KANK1: variants seen among roughly 807,000 people sequenced by gnomAD.
KANK1 encodes the protein KN motif and ankyrin repeat domain-containing protein 1.
A neutral mutation model predicts 106.2 loss-of-function variants in KANK1; 109 were observed. The observed-to-expected ratio is 1.03, with a 90% confidence interval of 0.88 to 1.20. KANK1 has a LOEUF of 1.20. Among genes scored for constraint, KANK1 ranks in the 50% most tolerant of loss-of-function variants. KANK1 has a pLI of 0.00. For missense variants in KANK1, 2,399 were observed against 1,710.7 expected (o/e 1.40, Z -7.10); for synonymous variants, 873 against 652.2 (o/e 1.34, Z -5.16).
chr9:743,920 T>G (rs998176006), intron 10 of KANK1, among the ~76,000 whole-genome samples: 1 of 152,214 alleles, frequency 6.6e-6, no homozygotes, highest in African/African-American at 2.4e-5. Flanking sequence ...TTATATCCAT[T>G]TAAATCCCTG....
chr9:726,782 A>G (rs1023513793), intron 3 of KANK1, among the ~76,000 whole-genome samples: 1 of 150,936 alleles, frequency 6.6e-6, no homozygotes, highest in African/African-American at 2.4e-5. Context: ...CAACATGGTA[A>G]AACCCCGTCT....
chr9:618,172 A>G (rs1832297482), intron 1 of KANK1, among the ~76,000 whole-genome samples: 1 of 152,188 alleles, frequency 6.6e-6, no homozygotes, highest in Non-Finnish European at 1.5e-5. Flanking sequence ...TATGGCATTC[A>G]TTGAAGAAAA....
chr9:676,922 T>A lies in KANK1; in HGVS notation c.-51T>A. The A allele has an allele frequency of 6.6e-7, 1 of 1,525,586 alleles. No homozygotes were observed. Among genetic ancestry groups the A allele is most frequent in the Admixed American group, 1.7e-5 (1 of 57,284 alleles). 94.5% of individuals were successfully genotyped at this position (1,525,586 alleles called of 1,614,324 possible). A position where few individuals can be genotyped will look rare whatever the true frequency, so the allele number is the denominator to read the frequency against. Reference sequence around the variant, plus strand: ...GCCTTTGAGAACTTGATGCATAAAATTTGCATGACTCCTCACTCCTTTCTG... The same window carrying A: ...GCCTTTGAGAACTTGATGCATAAAAATTGCATGACTCCTCACTCCTTTCTG... On this transcript the variant is annotated 5_prime_UTR_variant, in exon 2 of 12. Transcript: ENST00000382297.
At chr9:527,487 G>A (rs185360868) in intron 1 of KANK1, among the ~76,000 whole-genome samples, 8 of 151,664 alleles carry the variant, frequency 5.3e-5, no homozygotes, top group African/African-American at 2.0e-4. Context: ...TTTTGGTAGA[G>A]ATGGGGTTTC....
chr9:665,715 A>G (rs1383651156), intron 1 of KANK1, among the ~76,000 whole-genome samples: 2 of 152,220 alleles, frequency 1.3e-5, no homozygotes, highest in African/African-American at 4.8e-5. Flanking sequence ...GTATTTTGAT[A>G]GGGATTACAT....
intron 5 of KANK1, chr9:731,615 A>C (rs1832297318): frequency 6.3e-6 from 1 of 159,278 alleles, no homozygotes; most frequent in Admixed American, 6.4e-5. Context: ...AAAGACTGAG[A>C]GCATCACTCT....
In KANK1 at chr9:508,909, A is replaced by G. The variant is rs192271036; in HGVS notation, c.-84+4155A>G. On this transcript the variant is annotated intron_variant, in intron 1 of 11. Transcript: ENST00000382297. ...CCAATACAAATGTGTACATTTGTACAAATTCTATTCAGAAGTAGAATTTCC... is the reference window on the plus strand; with the variant it reads ...CCAATACAAATGTGTACATTTGTACGAATTCTATTCAGAAGTAGAATTTCC... Among the ~76,000 whole-genome samples the G allele has an allele frequency of 8.5e-3, 1,290 of 152,296 alleles. 4 individuals carry two copies. Among genetic ancestry groups the G allele is most frequent in the South Asian group, 0.013 (62 of 4,828 alleles).
chr9:609,341 C>T (rs188963282), intron 1 of KANK1, among the ~76,000 whole-genome samples: 1 of 152,154 alleles, frequency 6.6e-6, no homozygotes, highest in East Asian at 1.9e-4. Flanking sequence ...TAAATAGAAT[C>T]AATAGGCTGG....
intron 1 of KANK1, among the ~76,000 whole-genome samples, chr9:641,025 A>G (rs749224440): frequency 2.0e-5 from 3 of 152,152 alleles, no homozygotes; most frequent in Non-Finnish European, 4.4e-5. Flanking sequence ...GTTGCAGTGA[A>G]ATTTTAAAAG....
At chr9:636,952 T>G (rs950078237) in intron 1 of KANK1, among the ~76,000 whole-genome samples, 1 of 152,202 alleles carries the variant, frequency 6.6e-6, no homozygotes, top group Admixed American at 6.5e-5. Context: ...ACCAAGCCAC[T>G]TTAGACTTTG....
intron 1 of KANK1, among the ~76,000 whole-genome samples, chr9:518,265 T>A (rs1022088450): frequency 6.6e-6 from 1 of 151,862 alleles, no homozygotes; most frequent in Non-Finnish European, 1.5e-5. Context: ...TAACTGTGCT[T>A]ACCTGTTGAG....
In KANK1 at chr9:682,498, A is replaced by G. The variant is rs28567954; in HGVS notation, c.37+5489A>G. 6.0e-3 allele frequency among the ~76,000 whole-genome samples: 917 copies of G among 152,302 alleles called. 10 individuals are homozygous for G. Among genetic ancestry groups the G allele is most frequent in the African/African-American group, 0.022 (896 of 41,558 alleles). On this transcript the variant is annotated intron_variant, in intron 2 of 11. Transcript: ENST00000382297. ...ATTCTTTGCATTTTTCCAAGTCTTC[A>G]TGGAAAATAGTTTTCAAATTATTAT...
chr9:615,124 AG>A (rs1831494379), intron 1 of KANK1, among the ~76,000 whole-genome samples: 1 of 152,028 alleles, frequency 6.6e-6, no homozygotes, highest in Admixed American at 6.6e-5. Flanking sequence ...TTTTTTGTAG[AG>A]GGTCTCCCTG....
chr9:693,848 G>A lies in KANK1; in HGVS notation c.37+16839G>A, dbSNP rs1465047904. On this transcript the variant is annotated intron_variant, in intron 2 of 11. Coordinates refer to ENST00000382297, the MANE Select transcript of KANK1 (RefSeq NM_015158.5). ...GAGCATGATGTTTGGGTGGGGGTTG[G>A]TGAAATATAAACTCGAGCTCTGTGT... The A allele has an allele frequency of 4.1e-6, 4 of 976,038 alleles. No individual in the cohort carries two copies. The African/African-American group carries it at 7.0e-5, about 17-fold the overall frequency. 60.5% of individuals were successfully genotyped at this position (976,038 alleles called of 1,614,324 possible). A position where few individuals can be genotyped will look rare whatever the true frequency, so the allele number is the denominator to read the frequency against.
At chr9:672,966 A>C (rs936650622) in intron 1 of KANK1, among the ~76,000 whole-genome samples, 2 of 152,166 alleles carry the variant, frequency 1.3e-5, no homozygotes, top group African/African-American at 2.4e-5. Context: ...CTGTCCTCTG[A>C]GGGAGAAAAG....
intron 1 of KANK1, among the ~76,000 whole-genome samples, chr9:538,330 CCT>C (rs773250146): frequency 3.9e-5 from 6 of 152,082 alleles, no homozygotes; most frequent in Non-Finnish European, 7.4e-5. Context: ...ATCTCAGGGC[CCT>C]GTTTTTTTGT....
chr9:494,237 C>T, intron 3 of KANK1, among the ~76,000 whole-genome samples: 1 of 152,158 alleles, frequency 6.6e-6, no homozygotes, highest in Non-Finnish European at 1.5e-5. Context: ...GGCTCAAGCC[C>T]AATTCTATCA....
chr9:665,388 G>A (rs1446349626), intron 1 of KANK1, among the ~76,000 whole-genome samples: 4 of 152,108 alleles, frequency 2.6e-5, no homozygotes, highest in Non-Finnish European at 4.4e-5. Context: ...ACATACAGTT[G>A]TCCAGTTTTC....
intron 11 of KANK1, 150 bp downstream of exon 11, chr9:744,739 C>G (rs1222769938): frequency 6.6e-7 from 1 of 1,525,776 alleles, no homozygotes; most frequent in Non-Finnish European, 8.8e-7. Context: ...TCCTTTCCGC[C>G]TCCACCCCGC....
Sources: allele counts gnomAD v4.1 joint callset (sites outside exome capture counted in the v4.1 genomes callset), GRCh38; gene constraint gnomAD v4.1.1; transcripts MANE v1.5; gene names NCBI Gene and HGNC (gene_info 2026-07-23, HGNC 2026-07-21).